Variants in IGFN1 observed in about 807,000 individuals in gnomAD.
IGFN1 encodes the protein immunoglobulin like and fibronectin type III domain containing 1, also known as immunoglobulin-like and fibronectin type III domain-containing protein 1.
In IGFN1, 253 loss-of-function variants were observed where a neutral mutation model predicts 289.5. That is an observed-to-expected ratio of 0.87 (90% CI 0.79 to 0.97). IGFN1 has a LOEUF of 0.97. IGFN1 is among the 50% of genes least tolerant of loss of function. IGFN1 has a pLI of 0.00. For synonymous variants in IGFN1, 1,706 were observed against 1,788.5 expected, an observed-to-expected ratio of 0.95 and a Z score of 1.16; for missense variants, 4,470 against 4,686.1, an observed-to-expected ratio of 0.95 and a Z score of 1.35.
rs2102332487 is a variant in IGFN1 at position 201,206,124 on chromosome 1, A to C, written c.1231A>C (p.Lys411Gln). Reference protein sequence around the residue: ...KDLQSTSADHKLQRQGAQASG... With the variant: ...KDLQSTSADHQLQRQGAQASG... The stretch of plus-strand genomic sequence containing the variant: ...CCTTCAGTCCACAAGTGCTGACCAC[A>C]AACTGCAGAGGCAAGGAGCCCAGGC... The change falls in exon 12 of 24, where the codon AAA (lysine) becomes CAA (glutamine). Residue 411 changes from lysine (K) to glutamine (Q), a missense_variant. Around this residue, in one of 8 missense-constraint regions of IGFN1, gnomAD observed 2,011 missense variants for 1,953.4 expected, o/e 1.03. Coordinates refer to ENST00000335211, the MANE Select transcript of IGFN1 (RefSeq NM_001164586.2). The C allele has an allele frequency of 6.4e-7, 1 of 1,550,916 alleles. No homozygotes were observed. The highest frequency in any genetic ancestry group is 8.7e-7 in the Non-Finnish European group (1 of 1,146,958).
At chr1:201,220,579 G>A (rs1317388362) in intron 18 of IGFN1, among the ~76,000 whole-genome samples, 1 of 152,238 alleles carries the variant, frequency 6.6e-6, no homozygotes, top group African/African-American at 2.4e-5. Flanking sequence ...CTGGATTCTT[G>A]CTGCTAAGCA....
chr1:201,224,617 C>A, intron 20 of IGFN1, 62 bp from the exon 21 acceptor site: 1 of 1,433,660 alleles, frequency 7.0e-7, no homozygotes, highest in Non-Finnish European at 9.7e-7. Context: ...AGCTTAAATG[C>A]CATCACCTCC....
In IGFN1 at chr1:201,222,766, G is replaced by C. The variant is rs1365235472; in HGVS notation, c.10229G>C (p.Ser3410Thr). 1 of 1,613,286 alleles carries C rather than the reference G, an allele frequency of 6.2e-7. No homozygotes were observed. Among genetic ancestry groups the C allele is most frequent in the Admixed American group, 1.7e-5 (1 of 59,964 alleles). Residue 3410 changes from serine to threonine, a missense_variant, in exon 20 of 24, where the codon AGC (serine) becomes ACC (threonine). Ser to Thr is a moderately conservative substitution (Grantham distance 58). Transcript: ENST00000335211. ...TGTCCCAAGTTCCTCGTGGACTCCAGCACCAAGGACTTGCTGACAGTCAAG... is the reference window on the plus strand; with the variant it reads ...TGTCCCAAGTTCCTCGTGGACTCCACCACCAAGGACTTGCTGACAGTCAAG... ...TVCPKFLVDS[S>T]TKDLLTVKVG... is the part of the protein sequence containing the mutation.
At position 201,213,253 on chromosome 1, in the gene IGFN1, A is replaced by C; in HGVS notation, c.8360A>C (p.Glu2787Ala). The C allele has an allele frequency of 6.4e-7, 1 of 1,552,188 alleles. No homozygotes were observed. The highest frequency in any genetic ancestry group is 8.7e-7 in the Non-Finnish European group (1 of 1,147,232). ...GGGTCCCTGGAGGCTGAGAATGGTG[A>C]GGTCCAGGGTCCTGGGGCCCTAAAG... ...EQGSLEAENG[E>A]VQGPGALKED... Residue 2787 changes from glutamate (E) to alanine (A), a missense_variant, in exon 12 of 24, where the codon GAG (glutamate) becomes GCG (alanine). By Grantham distance (107) the Glu-to-Ala change is moderately radical. Transcript: ENST00000335211.
At chr1:201,218,108 C>T (rs1191740000) in intron 17 of IGFN1, among the ~76,000 whole-genome samples, 1 of 152,232 alleles carries the variant, frequency 6.6e-6, no homozygotes, top group Non-Finnish European at 1.5e-5. Flanking sequence ...GAACAGCTTG[C>T]CAGGAGACCT....
chr1:201,204,431 C>A (rs533246048), intron 10 of IGFN1, among the ~76,000 whole-genome samples: 18 of 152,320 alleles, frequency 1.2e-4, no homozygotes, highest in Admixed American at 9.8e-4. Context: ...AGAGCACCTG[C>A]CAGCTCAAGG....
In IGFN1 at chr1:201,207,848, C is replaced by T. The variant is rs925750601; in HGVS notation, c.2955C>T (p.Ser985=). 4 of 1,535,600 alleles carry T rather than the reference C, an allele frequency of 2.6e-6. No individual in the cohort carries two copies. Among genetic ancestry groups the T allele is most frequent in the Non-Finnish European group, 3.5e-6 (4 of 1,146,044 alleles). Residue 985 remains serine, a synonymous_variant, in exon 12 of 24, where the codon TCC becomes TCT. Coordinates refer to ENST00000335211, the MANE Select transcript of IGFN1 (RefSeq NM_001164586.2). ...YGSGVPGEMG[S]GHGAGCRVSP... is the part of the protein sequence containing the mutation. ...CAGGGGTTCCAGGAGAAATGGGGTC[C>T]GGCCATGGTGCTGGTTGTAGAGTTT...
chr1:201,207,799 G>A lies in IGFN1; in HGVS notation c.2906G>A (p.Ser969Asn). 3 of 1,536,220 alleles carry A rather than the reference G, an allele frequency of 2.0e-6. No individual in the cohort carries two copies. The highest frequency in any genetic ancestry group is 2.6e-6 in the Non-Finnish European group (3 of 1,146,422). Residue 969 changes from serine (S) to asparagine (N), a missense_variant, in exon 12 of 24, where the codon AGC becomes AAC. Coordinates refer to ENST00000335211, the MANE Select transcript of IGFN1 (RefSeq NM_001164586.2). ...TATTCTAGGGAAATAAGCTCTAAAA[G>A]CGGGGCTGGTTATAGCTATGGCTCA... ...LGYSREISSK[S>N]GAGYSYGSGV...
At position 201,208,745 on chromosome 1, in the gene IGFN1, T is replaced by C. The variant is rs1344898573; in HGVS notation, c.3852T>C (p.Asp1284=). The C allele has an allele frequency of 2.0e-6, 3 of 1,536,478 alleles. No homozygotes were observed. The highest frequency in any genetic ancestry group is 2.6e-6 in the Non-Finnish European group (3 of 1,146,720). ...IGSSGEMGSV[D]KEGYKKDLGA... ...GTTCTGGGGAAATGGGGTCAGTGGATAAGGAAGGTTATAAGAAAGATTTGG... is the reference window on the plus strand; with the variant it reads ...GTTCTGGGGAAATGGGGTCAGTGGACAAGGAAGGTTATAAGAAAGATTTGG... The change falls in exon 12 of 24, where the codon GAT becomes GAC. Residue 1284 remains aspartate (D), a synonymous_variant. Coordinates refer to ENST00000335211, the MANE Select transcript of IGFN1 (RefSeq NM_001164586.2).
chr1:201,198,658 C>T (rs1357229413), intron 5 of IGFN1, among the ~76,000 whole-genome samples: 1 of 152,092 alleles, frequency 6.6e-6, no homozygotes, highest in African/African-American at 2.4e-5. Flanking sequence ...AACTCCTGGG[C>T]TCAAGCTATC....
chr1:201,216,308 A>T, intron 15 of IGFN1, 146 bp from the exon 16 acceptor site: 1 of 642,696 alleles, frequency 1.6e-6, no homozygotes. Flanking sequence ...GGCTCTCTGG[A>T]CAGTCTGCCC....
intron 16 of IGFN1, 30 bp downstream of exon 16, chr1:201,216,783 G>T (rs1454812741): frequency 6.4e-7 from 1 of 1,554,852 alleles, no homozygotes; most frequent in Non-Finnish European, 8.7e-7. Context: ...CTGGGGGTGG[G>T]GGACACTCCT....
At chr1:201,195,112 C>T (rs940289441) in intron 3 of IGFN1, among the ~76,000 whole-genome samples, 5 of 152,052 alleles carry the variant, frequency 3.3e-5, no homozygotes, top group Admixed American at 1.3e-4. Flanking sequence ...ATTCCTCCTC[C>T]CCCTAGAGAG....
chr1:201,223,877 A>G (rs1653912095), intron 20 of IGFN1, among the ~76,000 whole-genome samples: 1 of 152,242 alleles, frequency 6.6e-6, no homozygotes, highest in African/African-American at 2.4e-5. Context: ...AATTCAAACC[A>G]GTCTATCTTA....
Position 201,207,454 on chromosome 1 carries a change from A to C in IGFN1, c.2561A>C (p.His854Pro). 1.3e-6 allele frequency: 2 copies of C among 1,528,888 alleles called. No homozygotes were observed. Among genetic ancestry groups the C allele is most frequent in the Non-Finnish European group, 1.8e-6 (2 of 1,142,818 alleles). 94.7% of individuals were successfully genotyped at this position (1,528,888 alleles called of 1,614,324 possible). ...AGCCTCAGAAAAACTGGGGCCCACCATGGGCCTGGAGTGCTGGGGCCCAGT... is the reference window on the plus strand; with the variant it reads ...AGCCTCAGAAAAACTGGGGCCCACCCTGGGCCTGGAGTGCTGGGGCCCAGT... ...PSSLRKTGAHHGPGVLGPSGG... is the reference protein window; with the variant it reads ...PSSLRKTGAHPGPGVLGPSGG... The change falls in exon 12 of 24, where the codon CAT (histidine) becomes CCT (proline). Residue 854 changes from histidine to proline, a missense_variant. This residue lies in a region of IGFN1 where 2,011 missense variants were observed against 1,953.4 expected (regional missense o/e 1.03). Coordinates refer to ENST00000335211, the MANE Select transcript of IGFN1 (RefSeq NM_001164586.2).
At chr1:201,203,969 G>A (rs982541194) in intron 10 of IGFN1, 63 bp downstream of exon 10, 2 of 1,413,944 alleles carry the variant, frequency 1.4e-6, no homozygotes, top group African/African-American at 2.9e-5. Flanking sequence ...AGTCCATGTT[G>A]GTGCAACGTG....
chr1:201,228,360 C>G (rs1304276231), intron 23 of IGFN1, 26 bp from the exon 24 acceptor site: 23 of 1,613,502 alleles, frequency 1.4e-5, no homozygotes, highest in Non-Finnish European at 1.6e-5. Context: ...CCCTCTGAAC[C>G]AACTGGAATA....
rs1460830711 is a variant in IGFN1 at position 201,209,734 on chromosome 1, C to T, written c.4841C>T (p.Ser1614Leu). The T allele has an allele frequency of 2.0e-6, 3 of 1,518,050 alleles. No homozygotes were observed. Among genetic ancestry groups the T allele is most frequent in the Non-Finnish European group, 2.6e-6 (3 of 1,136,136 alleles). 94.0% of individuals were successfully genotyped at this position (1,518,050 alleles called of 1,614,324 possible). A position where few individuals can be genotyped will look rare whatever the true frequency, so the allele number is the denominator to read the frequency against. Residue 1614 changes from serine to leucine, a missense_variant, in exon 12 of 24, where the codon TCA (serine) becomes TTA (leucine). Physicochemically the swap from Ser to Leu is moderately radical, Grantham distance 145. Transcript: ENST00000335211. ...KDLGVPEGIG[S>L]GSKAGFRDGL... ...TTGGGGGTTCCTGAGGGAATAGGTT[C>T]AGGAAGTAAGGCAGGTTTTAGGGAT...
Position 201,207,029 on chromosome 1 carries a change from G to C in IGFN1, c.2136G>C (p.Trp712Cys). The C allele has an allele frequency of 3.9e-6, 6 of 1,536,818 alleles. No individual in the cohort carries two copies. The highest frequency in any genetic ancestry group is 5.2e-6 in the Non-Finnish European group (6 of 1,146,798). Residue 712 changes from tryptophan (W) to cysteine (C), a missense_variant, in exon 12 of 24, where the codon TGG (tryptophan) becomes TGC (cysteine). This residue lies in a region of IGFN1 where 2,011 missense variants were observed against 1,953.4 expected (regional missense o/e 1.03). Transcript: ENST00000335211. ...DADYGEARGY[W>C]GSGELLEQIP... The stretch of plus-strand genomic sequence containing the variant: ...ACTATGGGGAAGCCAGGGGCTACTG[G>C]GGGTCAGGAGAGTTGCTAGAACAGA...
Sources: allele counts gnomAD v4.1 joint callset (sites outside exome capture counted in the v4.1 genomes callset), GRCh38; gene constraint gnomAD v4.1.1; regional missense constraint gnomAD v4.1.1; transcripts MANE v1.5; gene names NCBI Gene and HGNC (gene_info 2026-07-23, HGNC 2026-07-21).